Variants in TMEM245 observed in about 807,000 individuals in gnomAD.
TMEM245 encodes the protein protein CG-2.
TMEM245 carries 69 observed loss-of-function variants against 101.2 expected under a neutral mutation model. That is an observed-to-expected ratio of 0.68 (90% CI 0.56 to 0.83). The LOEUF (loss-of-function observed/expected upper bound fraction) is 0.83, where lower values mean the gene tolerates loss of function less well. Among genes scored for constraint, TMEM245 ranks in the 40% least tolerant of loss-of-function variants. The pLI is 0.00. For missense variants in TMEM245, 1,075 were observed against 1,092.8 expected (o/e 0.98, Z 0.23); for synonymous variants, 537 against 449.8 (o/e 1.19, Z -2.45).
intron 17 of TMEM245, among the ~76,000 whole-genome samples, chr9:109,020,958 CAG>C (rs904470877): frequency 2.6e-5 from 4 of 152,170 alleles, no homozygotes; most frequent in Admixed American, 1.3e-4. Flanking sequence ...CGTAATCCAA[CAG>C]AGAGTCCAAG....
intron 7 of TMEM245, among the ~76,000 whole-genome samples, chr9:109,083,760 A>G (rs1829738944): frequency 6.6e-6 from 1 of 151,862 alleles, no homozygotes; most frequent in Non-Finnish European, 1.5e-5. Flanking sequence ...AATCAATACT[A>G]AGAAATAAAA....
At position 109,093,601 on chromosome 9, in the gene TMEM245, A is replaced by C; in HGVS notation, c.800-10T>G. ...CCTGGTAACTCTGCCCCTGTAAAAG[A>C]AGCATCCATTTTCAAAACTCTTTAA... On this transcript the variant is annotated splice_polypyrimidine_tract_variant and intron_variant, in intron 3 of 17. Coordinates refer to ENST00000374586, the MANE Select transcript of TMEM245 (RefSeq NM_032012.4). The C allele has an allele frequency of 6.2e-7, 1 of 1,609,204 alleles. No homozygotes were observed. Among genetic ancestry groups the C allele is most frequent in the Non-Finnish European group, 8.5e-7 (1 of 1,176,120 alleles).
chr9:109,056,565 G>A (rs1304667586), intron 12 of TMEM245, among the ~76,000 whole-genome samples: 1 of 151,344 alleles, frequency 6.6e-6, no homozygotes, highest in African/African-American at 2.4e-5. Context: ...GCAGTAAACT[G>A]AGATCACACT....
intron 16 of TMEM245, among the ~76,000 whole-genome samples, chr9:109,034,243 A>G (rs1828053913): frequency 6.6e-6 from 1 of 152,250 alleles, no homozygotes; most frequent in African/African-American, 2.4e-5. Context: ...AGAACAATTC[A>G]GTGAGGGGCA....
At chr9:109,100,749 T>C (rs1519468) in intron 3 of TMEM245, among the ~76,000 whole-genome samples, 20,405 of 152,204 alleles carry the variant, frequency 0.13, 1,593 homozygotes, top group African/African-American at 0.19. Context: ...TAAATGAAGA[T>C]ACCATCTATC....
At chr9:109,115,073 G>GC (rs1362190214) in intron 1 of TMEM245, among the ~76,000 whole-genome samples, 1 of 152,172 alleles carries the variant, frequency 6.6e-6, no homozygotes, top group East Asian at 1.9e-4. Flanking sequence ...CAGGCCAGGC[G>GC]CAGTAGCTCA....
intron 14 of TMEM245, among the ~76,000 whole-genome samples, chr9:109,047,916 G>A (rs954841367): frequency 2.0e-5 from 3 of 152,130 alleles, no homozygotes; most frequent in Admixed American, 6.5e-5. Flanking sequence ...TTCCTTTTTG[G>A]TAGAGCATTT....
chr9:109,075,811 G>A (rs967411330), intron 8 of TMEM245, among the ~76,000 whole-genome samples: 8 of 152,034 alleles, frequency 5.3e-5, no homozygotes, highest in African/African-American at 1.9e-4. Context: ...GTTTATTCAT[G>A]TTTTCACTAT....
chr9:109,080,472 A>T (rs910557973), intron 8 of TMEM245, among the ~76,000 whole-genome samples: 6 of 152,078 alleles, frequency 3.9e-5, no homozygotes, highest in Admixed American at 3.3e-4. Flanking sequence ...GGAAGGTGGT[A>T]ATCAGCAAAT....
At chr9:109,021,507 G>GTTTGT (rs1178222761) in intron 17 of TMEM245, among the ~76,000 whole-genome samples, 4 of 99,154 alleles carry the variant, frequency 4.0e-5, no homozygotes, top group East Asian at 5.2e-4. Flanking sequence ...TTGTTTGTTT[G>GTTTGT]TTTGTTTTGT....
chr9:109,097,319 C>T (rs1830167662), intron 3 of TMEM245, among the ~76,000 whole-genome samples: 1 of 152,146 alleles, frequency 6.6e-6, no homozygotes, highest in African/African-American at 2.4e-5. Context: ...CTTCAAAGAA[C>T]TCTAGGAAGT....
chr9:109,107,885 T>C (rs917520515), intron 2 of TMEM245, among the ~76,000 whole-genome samples: 5 of 152,198 alleles, frequency 3.3e-5, no homozygotes, highest in African/African-American at 1.2e-4. Context: ...TGAATCATCC[T>C]TATGTGGAAA....
At chr9:109,114,763 G>A (rs574625076) in intron 1 of TMEM245, among the ~76,000 whole-genome samples, 4 of 152,298 alleles carry the variant, frequency 2.6e-5, no homozygotes, top group South Asian at 2.1e-4. Flanking sequence ...AGCAGGGCAC[G>A]CCATCAGCTT....
chr9:109,072,745 C>G (rs1352913271), intron 9 of TMEM245, among the ~76,000 whole-genome samples: 5 of 152,196 alleles, frequency 3.3e-5, no homozygotes, highest in African/African-American at 1.2e-4. Flanking sequence ...GTGGTGTACA[C>G]CTGTAGTCTC....
chr9:109,082,773 G>A (rs1829704949), intron 7 of TMEM245, among the ~76,000 whole-genome samples: 1 of 151,512 alleles, frequency 6.6e-6, no homozygotes, highest in Non-Finnish European at 1.5e-5. Context: ...AACATATTAG[G>A]TACATTAACA....
chr9:109,047,484 T>G (rs565186685), intron 14 of TMEM245, among the ~76,000 whole-genome samples: 2 of 152,338 alleles, frequency 1.3e-5, no homozygotes, highest in African/African-American at 4.8e-5. Context: ...GAAGGCATCA[T>G]GGTGTAACAG....
rs1420231204 is a variant in TMEM245, at chr9:109,016,831, ACACT to A, written c.*3625_*3628del. 2.6e-5 allele frequency: 4 copies of A among 152,234 alleles called. No homozygotes were observed. The highest frequency in any genetic ancestry group is 4.4e-5 in the Non-Finnish European group (3 of 68,046). 9.4% of individuals were successfully genotyped at this position (152,234 alleles called of 1,614,324 possible). On this transcript the variant is annotated 3_prime_UTR_variant, in exon 18 of 18. Transcript: ENST00000374586. ...AGAGGCTATTTCCACTGTGAAATGCACACTCAAAGTCCTATTGTAATATTATTTT... is the reference window on the plus strand; with the variant it reads ...AGAGGCTATTTCCACTGTGAAATGCACAAAGTCCTATTGTAATATTATTTT...
In TMEM245 at chr9:109,087,200, T is replaced by G. The variant is rs770278743; in HGVS notation, c.1293A>C (p.Gly431=). 1.2e-6 allele frequency: 2 copies of G among 1,610,310 alleles called. No homozygotes were observed. The highest frequency in any genetic ancestry group is 1.7e-6 in the Non-Finnish European group (2 of 1,179,100). Residue 431 remains glycine (G), a synonymous_variant, in exon 6 of 18, where the codon GGA becomes GGC. Coordinates refer to ENST00000374586, the MANE Select transcript of TMEM245 (RefSeq NM_032012.4). ...ALAPWPIVGL[G]KFLLKVDSKL... ...TGCTATCAACTTTTAACAAGAATTT[T>G]CCAAGCCCGACAATGGGCCAAGGCG... is the stretch of plus-strand genomic sequence containing the variant.
chr9:109,111,205 G>A (rs1301400626), intron 1 of TMEM245, among the ~76,000 whole-genome samples: 3 of 152,174 alleles, frequency 2.0e-5, no homozygotes, highest in Non-Finnish European at 2.9e-5. Flanking sequence ...GCAGAAATAC[G>A]TGGGAATTAG....
Sources: gnomAD v4.1 joint callset for allele counts (sites outside exome capture counted in the v4.1 genomes callset) on GRCh38, gnomAD v4.1.1 for gene constraint, MANE v1.5 for transcripts, NCBI Gene and HGNC (gene_info 2026-07-23, HGNC 2026-07-21) for gene names.